Variants in COG3 observed in about 807,000 individuals in gnomAD.
The protein encoded by COG3 is component of oligomeric golgi complex 3.
In COG3, 32 loss-of-function variants were observed where a neutral mutation model predicts 114.1. The observed-to-expected ratio is 0.28, with a 90% CI of 0.21 to 0.38. The LOEUF is 0.38. COG3 is among the 10% of genes least tolerant of loss of function. COG3 has a pLI of 1.00. For missense variants in COG3, 813 were observed against 973.2 expected (o/e 0.84, Z 2.19); for synonymous variants, 352 against 365.7 (o/e 0.96, Z 0.43).
In COG3 at chr13:45,504,419, C is replaced by T. The variant is rs145985632; in HGVS notation, c.1594+1070C>T. On this transcript the variant is annotated intron_variant, in intron 14 of 22. Transcript: ENST00000349995. ...TACCTCTTTATGAGCACGGGAGAGA[C>T]GAGAGTACATTTCTGTCTTGCCAAC... 2.6e-4 allele frequency among the ~76,000 whole-genome samples: 40 copies of T among 152,232 alleles called. No individual in the cohort carries two copies. The East Asian group carries it at 5.8e-3, about 22-fold the overall frequency.
intron 19 of COG3, among the ~76,000 whole-genome samples, chr13:45,521,120 A>T (rs1236910562): frequency 6.6e-6 from 1 of 152,130 alleles, no homozygotes; most frequent in Admixed American, 6.5e-5. Context: ...GTAGTTAGAG[A>T]CCAGCTTGGG....
intron 8 of COG3, among the ~76,000 whole-genome samples, chr13:45,487,453 A>G (rs1270201686): frequency 6.6e-6 from 1 of 152,232 alleles, no homozygotes; most frequent in Non-Finnish European, 1.5e-5. Flanking sequence ...GAGTGAAGAG[A>G]CAACCTGTAG....
chr13:45,490,752 CTG>C (rs1566251340), intron 8 of COG3, among the ~76,000 whole-genome samples, 161 bp from the exon 9 acceptor site: 2 of 110,900 alleles, frequency 1.8e-5, no homozygotes, highest in Admixed American at 8.0e-5. Context: ...AGAAAATATA[CTG>C]AAATGCTGTG....
chr13:45,515,185 A>G (rs868300568), intron 16 of COG3, among the ~76,000 whole-genome samples: 7 of 152,214 alleles, frequency 4.6e-5, no homozygotes, highest in South Asian at 2.1e-4. Context: ...TAAAATGTGT[A>G]GCATTTCCCA....
chr13:45,500,023 A>G, intron 13 of COG3, among the ~76,000 whole-genome samples: 1 of 129,126 alleles, frequency 7.7e-6, no homozygotes, highest in African/African-American at 4.1e-5. Flanking sequence ...GCCTTAAAAA[A>G]AAATATATAT....
chr13:45,490,854 C>G (rs1566251373), intron 8 of COG3, 61 bp from the exon 9 acceptor site: 1 of 851,412 alleles, frequency 1.2e-6, no homozygotes, highest in African/African-American at 1.8e-5. Flanking sequence ...ATATTATAAT[C>G]AGAAAGTAAT....
At chr13:45,530,630 C>T in intron 21 of COG3, 52 bp from the exon 22 acceptor site, 1 of 1,064,632 alleles carries the variant, frequency 9.4e-7, no homozygotes, top group South Asian at 1.3e-5. Flanking sequence ...ATTCATGGTG[C>T]TTCGTGTTTA....
intron 20 of COG3, among the ~76,000 whole-genome samples, chr13:45,525,687 AC>A (rs1174311211): frequency 7.7e-6 from 1 of 129,688 alleles, no homozygotes; most frequent in Non-Finnish European, 1.6e-5. Context: ...ATCATGACTA[AC>A]TTTGTGAGTT....
chr13:45,500,824 T>G (rs1048434103), intron 13 of COG3, among the ~76,000 whole-genome samples: 1 of 152,218 alleles, frequency 6.6e-6, no homozygotes, highest in Non-Finnish European at 1.5e-5. Context: ...CTTTTTAGGC[T>G]CCTTTTGTCT....
In COG3 at chr13:45,486,340, G is replaced by GGAGAC. The variant is rs1555295085; in HGVS notation, c.844-154_844-153insAGACG. Among the ~76,000 whole-genome samples, 4 of 5,122 alleles carry GGAGAC rather than the reference G, an allele frequency of 7.8e-4. 1 individual carries two copies. Among genetic ancestry groups the GGAGAC allele is most frequent in the Admixed American group, 6.5e-3 (2 of 310 alleles). The allele number at this position is 5,122 out of a possible 152,430, so 3.4% of individuals were successfully genotyped here. A position where few individuals can be genotyped will look rare whatever the true frequency, so the allele number is the denominator to read the frequency against. On this transcript the variant is annotated intron_variant, in intron 7 of 22. Coordinates refer to ENST00000349995, the MANE Select transcript of COG3 (RefSeq NM_031431.4). Reference sequence around the variant, plus strand: ...AGACGGGAGACGGGAGACGGGAGACGGGAGAGGGAGAGGGAGAGGGAGAGG... The same window carrying GGAGAC: ...AGACGGGAGACGGGAGACGGGAGACGGAGACGGAGAGGGAGAGGGAGAGGGAGAGG...
chr13:45,488,981 A>G (rs35231410), intron 8 of COG3, among the ~76,000 whole-genome samples: 4,434 of 151,718 alleles, frequency 0.029, 100 homozygotes, highest in Non-Finnish European at 0.045. Context: ...TGAGTTTAGG[A>G]GTTTGAGACC....
At chr13:45,518,179 C>T (rs968741897) in intron 17 of COG3, among the ~76,000 whole-genome samples, 7 of 152,162 alleles carry the variant, frequency 4.6e-5, no homozygotes, top group Non-Finnish European at 1.0e-4. Context: ...ATGTTTTTTT[C>T]TTACTCACTT....
intron 21 of COG3, among the ~76,000 whole-genome samples, chr13:45,530,279 A>G (rs988663916): frequency 6.6e-6 from 1 of 152,236 alleles, no homozygotes; most frequent in Non-Finnish European, 1.5e-5. Context: ...TGCAGTGGCA[A>G]CCAAGGGATT....
intron 1 of COG3, among the ~76,000 whole-genome samples, chr13:45,472,725 G>T (rs932113620): frequency 6.6e-6 from 1 of 152,072 alleles, no homozygotes; most frequent in Admixed American, 6.5e-5. Flanking sequence ...TTGAAATTGT[G>T]TATCTGTTTA....
chr13:45,518,197 C>CT (rs1273518094), intron 17 of COG3, among the ~76,000 whole-genome samples: 1 of 152,216 alleles, frequency 6.6e-6, no homozygotes, highest in East Asian at 1.9e-4. Context: ...CTTAATAATA[C>CT]TTGCTATCTT....
intron 1 of COG3, among the ~76,000 whole-genome samples, chr13:45,472,285 G>T (rs1885567077): frequency 6.6e-6 from 1 of 152,032 alleles, no homozygotes; most frequent in South Asian, 2.1e-4. Context: ...TGAATATGAT[G>T]TGCACAGAGG....
chr13:45,525,195 G>T lies in COG3; in HGVS notation c.2230+144G>T, dbSNP rs796434649. On this transcript the variant is annotated intron_variant, in intron 20 of 22. Coordinates refer to ENST00000349995, the MANE Select transcript of COG3 (RefSeq NM_031431.4). ...GAGTTAATGCAGGATTCAATTTGGA[G>T]CTGACAGGTCTTAATTGGTTAGCAC... is the stretch of plus-strand genomic sequence containing the variant. 4 of 568,260 alleles carry T rather than the reference G, an allele frequency of 7.0e-6. No homozygotes were observed. In the South Asian group the frequency reaches 1.3e-4, roughly 18 times the overall value. 35.2% of individuals were successfully genotyped at this position (568,260 alleles called of 1,614,324 possible). A position where few individuals can be genotyped will look rare whatever the true frequency, so the allele number is the denominator to read the frequency against.
At chr13:45,500,094 G>GTGTA (rs1321310200) in intron 13 of COG3, among the ~76,000 whole-genome samples, 3 of 114,840 alleles carry the variant, frequency 2.6e-5, no homozygotes, top group Admixed American at 9.7e-5. Context: ...GTGTGTGTGT[G>GTGTA]TATATATATA....
chr13:45,476,102 C>T (rs1391834868), intron 1 of COG3, 99 bp from the exon 2 acceptor site: 2 of 1,094,816 alleles, frequency 1.8e-6, no homozygotes, highest in Non-Finnish European at 1.4e-6. Context: ...GAAAATATTT[C>T]TTTCTCTTTC....
Sources: allele counts gnomAD v4.1 joint callset (sites outside exome capture counted in the v4.1 genomes callset), GRCh38; gene constraint gnomAD v4.1.1; transcripts MANE v1.5; gene names NCBI Gene and HGNC (gene_info 2026-07-23, HGNC 2026-07-21).